HPCAL1: variants seen among roughly 807,000 people sequenced by gnomAD.
The protein encoded by HPCAL1 is hippocalcin-like protein 1.
A neutral mutation model predicts 17.1 loss-of-function variants in HPCAL1; 8 were observed. The observed-to-expected ratio is 0.47, with a 90% CI of 0.27 to 0.84. The LOEUF is 0.84. Among genes scored for constraint, HPCAL1 ranks in the 40% least tolerant of loss-of-function variants. The pLI is 0.13. For missense variants in HPCAL1, 165 were observed against 271.1 expected, an observed-to-expected ratio of 0.61 and a Z score of 2.75; for synonymous variants, 112 against 111.4, an observed-to-expected ratio of 1.01 and a Z score of -0.03.
intron 1 of HPCAL1, among the ~76,000 whole-genome samples, chr2:10,303,488 C>G (rs1662395110): frequency 6.6e-6 from 1 of 151,200 alleles, no homozygotes; most frequent in Non-Finnish European, 1.5e-5. Context: ...TGGCGGGTGT[C>G]GTGTGTGAGC....
intron 1 of HPCAL1, among the ~76,000 whole-genome samples, chr2:10,392,009 A>C (rs142570150): frequency 0.022 from 3,371 of 150,626 alleles, 107 homozygotes; most frequent in African/African-American, 0.075. Flanking sequence ...TGGCCTCCCA[A>C]ATTGCTGGGA....
intron 2 of HPCAL1, among the ~76,000 whole-genome samples, chr2:10,414,879 G>A (rs1262894501): frequency 1.3e-5 from 2 of 152,246 alleles, no homozygotes; most frequent in African/African-American, 4.8e-5. Context: ...GTGCGCTGCT[G>A]CTGTTACAGC....
At position 10,365,464 on chromosome 2, in the gene HPCAL1, G is replaced by A. The variant is rs369410715; in HGVS notation, c.-110-31371G>A. 1.4e-4 allele frequency among the ~76,000 whole-genome samples: 22 copies of A among 152,304 alleles called. No homozygotes were observed. The East Asian group carries it at 3.3e-3, about 23-fold the overall frequency. ...TCTGTGCAGGAGTTGGAGGTAGAGCGGGTCGAAGGCTTGCGGAGGGACAGG... is the reference window on the plus strand; with the variant it reads ...TCTGTGCAGGAGTTGGAGGTAGAGCAGGTCGAAGGCTTGCGGAGGGACAGG... On this transcript the variant is annotated intron_variant, in intron 1 of 4. Coordinates refer to ENST00000307845, the MANE Select transcript of HPCAL1 (RefSeq NM_002149.4). The surrounding 1 kb of genome is among the most constrained non-coding windows in gnomAD (Gnocchi z 4.8).
chr2:10,422,827 C>A (rs887987460), intron 3 of HPCAL1, among the ~76,000 whole-genome samples, 156 bp from the exon 4 acceptor site: 1 of 152,234 alleles, frequency 6.6e-6, no homozygotes, highest in East Asian at 1.9e-4. Flanking sequence ...GTGAGGTTCA[C>A]TAGGGAACAT....
intron 1 of HPCAL1, among the ~76,000 whole-genome samples, chr2:10,309,219 A>G (rs2125379252): frequency 6.6e-6 from 1 of 152,188 alleles, no homozygotes; most frequent in African/African-American, 2.4e-5. Context: ...TTTTTTGTGG[A>G]GACGAGGTCT....
At chr2:10,349,988 A>G (rs1055935823) in intron 1 of HPCAL1, among the ~76,000 whole-genome samples, 5 of 152,050 alleles carry the variant, frequency 3.3e-5, no homozygotes, top group African/African-American at 1.2e-4. Context: ...TATACCACTG[A>G]TATTATACAG....
At chr2:10,420,196 C>T in intron 3 of HPCAL1, 61 bp downstream of exon 3, 1 of 1,450,098 alleles carries the variant, frequency 6.9e-7, no homozygotes, top group Non-Finnish European at 9.3e-7. Context: ...AGCTCCCAGC[C>T]CCCAGCCCAG....
intron 1 of HPCAL1, among the ~76,000 whole-genome samples, chr2:10,382,272 G>A (rs990871718): frequency 6.6e-5 from 10 of 152,154 alleles, no homozygotes; most frequent in Non-Finnish European, 1.2e-4. Context: ...TGGTTCCTAC[G>A]GGTTAGGAGG....
intron 1 of HPCAL1, among the ~76,000 whole-genome samples, chr2:10,329,937 G>A (rs561467524): frequency 2.5e-4 from 38 of 152,376 alleles, no homozygotes; most frequent in Non-Finnish European, 4.0e-4. Flanking sequence ...GATGCAGGCC[G>A]AGGCCATATC....
intron 4 of HPCAL1, chr2:10,424,865 C>G: frequency 5.9e-6 from 2 of 340,870 alleles, no homozygotes; most frequent in South Asian, 4.4e-5. Flanking sequence ...CCTGGCCACC[C>G]TGGAAGGTGC....
At chr2:10,372,133 A>G (rs1416653871) in intron 1 of HPCAL1, among the ~76,000 whole-genome samples, 2 of 152,232 alleles carry the variant, frequency 1.3e-5, no homozygotes, top group African/African-American at 4.8e-5. Flanking sequence ...GCTTTTCACC[A>G]TCTGGTCTGG....
intron 1 of HPCAL1, among the ~76,000 whole-genome samples, chr2:10,347,189 G>A (rs532179336): frequency 5.3e-5 from 8 of 152,120 alleles, no homozygotes; most frequent in African/African-American, 1.7e-4. Flanking sequence ...CCTGGCATCC[G>A]TGACCCATAC....
chr2:10,388,775 C>T (rs1668493705), intron 1 of HPCAL1, among the ~76,000 whole-genome samples: 2 of 152,218 alleles, frequency 1.3e-5, no homozygotes, highest in Admixed American at 6.5e-5. Flanking sequence ...GCTGTGAGTG[C>T]CTCGTCAGTG....
In HPCAL1 at chr2:10,400,923, C is replaced by T. The variant is rs544661844; in HGVS notation, c.-25+4003C>T. Among the ~76,000 whole-genome samples the T allele has an allele frequency of 6.8e-4, 104 of 152,352 alleles. 1 individual carries two copies. Among genetic ancestry groups the T allele is most frequent in the Middle Eastern group, 3.4e-3 (1 of 294 alleles). On this transcript the variant is annotated intron_variant, in intron 2 of 4. Transcript: ENST00000307845. Reference sequence around the variant, plus strand: ...GGGGAATCCTAGCCGTCAGCATCTCCGGAGCATCTGCTCCATGTCGGGCTC... The same window carrying T: ...GGGGAATCCTAGCCGTCAGCATCTCTGGAGCATCTGCTCCATGTCGGGCTC...
chr2:10,389,777 C>T (rs536669124), intron 1 of HPCAL1, among the ~76,000 whole-genome samples: 6 of 152,240 alleles, frequency 3.9e-5, no homozygotes, highest in African/African-American at 7.2e-5. Flanking sequence ...TTTCTCTGCC[C>T]GTGGAATGTA....
rs1420785995 is a variant in HPCAL1 at position 10,343,422 on chromosome 2, G to A, written c.-111+40245G>A. Among the ~76,000 whole-genome samples, 2 of 152,240 alleles carry A rather than the reference G, an allele frequency of 1.3e-5. No homozygotes were observed. The highest frequency in any genetic ancestry group is 4.8e-5 in the African/African-American group (2 of 41,446). On this transcript the variant is annotated intron_variant, in intron 1 of 4. Transcript: ENST00000307845. The surrounding 1 kb of genome is among the most constrained non-coding windows in gnomAD (Gnocchi z 4.8). The stretch of plus-strand genomic sequence containing the variant: ...CCATATCTCCCTCCAGGACTCCCGG[G>A]TGGGAGGTGGGTGTTTGCATAGGCA...
In HPCAL1 at chr2:10,399,253, C is replaced by T. The variant is rs796333924; in HGVS notation, c.-25+2333C>T. On this transcript the variant is annotated intron_variant, in intron 2 of 4. Coordinates refer to ENST00000307845, the MANE Select transcript of HPCAL1 (RefSeq NM_002149.4). ...ACCACCACCACCATCACCACCACCA[C>T]CACCACCATCACCACCACCACCACC... Among the ~76,000 whole-genome samples the T allele has an allele frequency of 4.3e-3, 291 of 67,496 alleles. 3 individuals are homozygous for T. The highest frequency in any genetic ancestry group is 7.7e-3 in the Middle Eastern group (1 of 130). The allele number at this position is 67,496 out of a possible 152,430, so 44.3% of individuals were successfully genotyped here. A position where few individuals can be genotyped will look rare whatever the true frequency, so the allele number is the denominator to read the frequency against.
rs372016650 is a variant in HPCAL1, at chr2:10,395,989, C to G, written c.-110-846C>G. 6.6e-6 allele frequency among the ~76,000 whole-genome samples: 1 copy of G among 152,140 alleles called. No homozygotes were observed. ...GGAGGAGGAGTCACCAATCCATGCC[C>G]GGGGAGCAGGCAGAGAAGAGGGAGG... On this transcript the variant is annotated intron_variant, in intron 1 of 4. Transcript: ENST00000307845. This position sits in a 1 kb window ranked among gnomAD's most constrained non-coding sequence, Gnocchi z 4.4.
rs1030991786 is a variant in HPCAL1, at chr2:10,363,535, A to C, written c.-110-33300A>C. ...TACACGTGGCGTTTCAGGTCTGGAG[A>C]GTCATGTGGTGTAGCTGTATTTCTG... On this transcript the variant is annotated intron_variant, in intron 1 of 4. Transcript: ENST00000307845. The surrounding 1 kb of genome is among the most constrained non-coding windows in gnomAD (Gnocchi z 4.7). Among the ~76,000 whole-genome samples, 1 of 152,038 alleles carries C rather than the reference A, an allele frequency of 6.6e-6. No individual in the cohort carries two copies. The highest frequency in any genetic ancestry group is 6.6e-5 in the Admixed American group (1 of 15,256).
Sources: allele counts gnomAD v4.1 joint callset (sites outside exome capture counted in the v4.1 genomes callset), GRCh38; gene constraint gnomAD v4.1.1; non-coding constraint Gnocchi (gnomAD v3.1); transcripts MANE v1.5; gene names NCBI Gene and HGNC (gene_info 2026-07-23, HGNC 2026-07-21).